The following CTNNA2 variants were observed in gnomAD, a reference collection of about 807,000 sequenced individuals.
CTNNA2 encodes the protein catenin alpha-2.
CTNNA2 carries 42 observed loss-of-function variants against 101.0 expected under a neutral mutation model. The ratio of observed to expected loss-of-function variants is 0.42; its 90% CI spans 0.32 to 0.54. The LOEUF (loss-of-function observed/expected upper bound fraction) is 0.54. Among genes scored for constraint, CTNNA2 ranks in the 20% least tolerant of loss-of-function variants. The pLI, the probability that CTNNA2 is intolerant of heterozygous loss-of-function variation, is 0.14. For missense variants in CTNNA2, 871 were observed against 1,223.1 expected, an observed-to-expected ratio of 0.71 and a Z score of 4.29; for synonymous variants, 450 against 456.4, an observed-to-expected ratio of 0.99 and a Z score of 0.18.
chr2:79,684,481 A>G (rs1039601499), intron 2 of CTNNA2, among the ~76,000 whole-genome samples: 9 of 152,182 alleles, frequency 5.9e-5, no homozygotes, highest in African/African-American at 1.9e-4. Flanking sequence ...ATAGGCATCT[A>G]CTGGATTGTG....
intron 7 of CTNNA2, among the ~76,000 whole-genome samples, chr2:80,043,584 T>A (rs1254175243): frequency 6.6e-6 from 1 of 152,178 alleles, no homozygotes; most frequent in Non-Finnish European, 1.5e-5. Context: ...AATGCAGAGC[T>A]CTCACAGGCA....
At chr2:80,535,745 C>T (rs1029790386) in intron 9 of CTNNA2, among the ~76,000 whole-genome samples, 1 of 152,228 alleles carries the variant, frequency 6.6e-6, no homozygotes, top group African/African-American at 2.4e-5. Context: ...CACTGAGCAT[C>T]CTTCCCTGAT....
chr2:79,317,522 C>A (rs1234885770), intron 3 of CTNNA2, among the ~76,000 whole-genome samples: 1 of 151,934 alleles, frequency 6.6e-6, no homozygotes, highest in African/African-American at 2.4e-5. Flanking sequence ...ACTAGTAACT[C>A]GATAAATGTG....
At chr2:80,383,298 A>G (rs577561345) in intron 7 of CTNNA2, among the ~76,000 whole-genome samples, 15 of 152,274 alleles carry the variant, frequency 9.9e-5, no homozygotes, top group African/African-American at 3.6e-4. Context: ...ATATTTTCCA[A>G]ATCATCTATC....
chr2:79,894,084 CTT>C (rs1684526580), intron 6 of CTNNA2, among the ~76,000 whole-genome samples: 1 of 150,846 alleles, frequency 6.6e-6, no homozygotes, highest in Non-Finnish European at 1.5e-5. Flanking sequence ...CCTCCTCCTT[CTT>C]CTTCTTCTCT....
At chr2:79,375,445 G>C (rs923295193) in intron 4 of CTNNA2, among the ~76,000 whole-genome samples, 1 of 152,108 alleles carries the variant, frequency 6.6e-6, no homozygotes, top group African/African-American at 2.4e-5. Flanking sequence ...TAATTTAGAA[G>C]AAAGAGTCCT....
chr2:79,343,417 T>G (rs1488387941), intron 3 of CTNNA2, among the ~76,000 whole-genome samples: 1 of 152,220 alleles, frequency 6.6e-6, no homozygotes, highest in Non-Finnish European at 1.5e-5. Context: ...TAGACTGCAT[T>G]CTAGAAGAAC....
At chr2:80,107,127 C>T (rs1253669792) in intron 7 of CTNNA2, among the ~76,000 whole-genome samples, 1 of 152,144 alleles carries the variant, frequency 6.6e-6, no homozygotes, top group Non-Finnish European at 1.5e-5. Context: ...TGGTGAAGTC[C>T]CACCTTCCAG....
At chr2:79,755,014 T>A (rs948647260) in intron 3 of CTNNA2, among the ~76,000 whole-genome samples, 4 of 151,856 alleles carry the variant, frequency 2.6e-5, no homozygotes, top group African/African-American at 7.2e-5. Context: ...TGAGTGTAGA[T>A]CCATTACTTT....
At chr2:80,440,631 A>T (rs769610091) in intron 9 of CTNNA2, among the ~76,000 whole-genome samples, 1 of 138,790 alleles carries the variant, frequency 7.2e-6, no homozygotes, top group Non-Finnish European at 1.5e-5. Context: ...GATAAAGTTG[A>T]TGAAGGATAA....
intron 9 of CTNNA2, among the ~76,000 whole-genome samples, chr2:80,426,266 G>A (rs901855095): frequency 2.6e-5 from 4 of 152,114 alleles, no homozygotes; most frequent in African/African-American, 4.8e-5. Context: ...AAAGCAGTTC[G>A]GTCAGGGCTG....
rs1487262203 is a variant in CTNNA2 at position 79,831,844 on chromosome 2, TA to T, written c.299-26168del. ...TATTTATTTGTATTTCCTGCTTAGT[TA>T]TTTTGGCCTCTAAATCGTTACAAAT... On this transcript the variant is annotated intron_variant, in intron 3 of 18. Coordinates refer to ENST00000402739, the MANE Select transcript of CTNNA2 (RefSeq NM_001282597.3). Among the ~76,000 whole-genome samples, 7 of 143,968 alleles carry T rather than the reference TA, an allele frequency of 4.9e-5. No individual in the cohort carries two copies. In the East Asian group the frequency reaches 1.4e-3, roughly 28 times the overall value. The allele number at this position is 143,968 out of a possible 152,430, so 94.4% of individuals were successfully genotyped here.
At chr2:80,442,351 C>T (rs1245625193) in intron 9 of CTNNA2, among the ~76,000 whole-genome samples, 2 of 152,176 alleles carry the variant, frequency 1.3e-5, no homozygotes, top group East Asian at 3.9e-4. Context: ...TATTGCCCAG[C>T]CATCTGGACC....
intron 7 of CTNNA2, among the ~76,000 whole-genome samples, chr2:80,115,385 GA>G (rs1336090499): frequency 3.3e-5 from 5 of 152,164 alleles, no homozygotes; most frequent in African/African-American, 7.2e-5. Context: ...AACCCTCGAA[GA>G]AGACGTTATC....
intron 2 of CTNNA2, among the ~76,000 whole-genome samples, chr2:79,279,607 C>T (rs1034317046): frequency 1.3e-5 from 2 of 152,028 alleles, no homozygotes; most frequent in Non-Finnish European, 2.9e-5. Context: ...TATGTATAAC[C>T]AAAGACATCT....
At chr2:79,875,346 G>A (rs928508616) in intron 6 of CTNNA2, among the ~76,000 whole-genome samples, 6 of 152,142 alleles carry the variant, frequency 3.9e-5, no homozygotes, top group Non-Finnish European at 8.8e-5. Context: ...TAAATAATTA[G>A]CATCTACTTT....
chr2:80,180,535 C>T (rs1400296344), intron 7 of CTNNA2, among the ~76,000 whole-genome samples: 1 of 152,150 alleles, frequency 6.6e-6, no homozygotes, highest in Non-Finnish European at 1.5e-5. Flanking sequence ...TGCCATTTGG[C>T]CTCTGCCACC....
intron 1 of CTNNA2, among the ~76,000 whole-genome samples, chr2:79,578,472 G>A (rs1040527653): frequency 6.6e-6 from 1 of 152,082 alleles, no homozygotes; most frequent in Non-Finnish European, 1.5e-5. Flanking sequence ...TAATCTTAAA[G>A]AAAGGAAACT....
chr2:80,424,250 G>A (rs914856849), intron 9 of CTNNA2, among the ~76,000 whole-genome samples: 11 of 152,088 alleles, frequency 7.2e-5, no homozygotes, highest in African/African-American at 1.4e-4. Context: ...CACCGTGCCC[G>A]GCCCAGCAAA....
Sources: gnomAD v4.1 joint callset for allele counts (sites outside exome capture counted in the v4.1 genomes callset) on GRCh38, gnomAD v4.1.1 for gene constraint, MANE v1.5 for transcripts, NCBI Gene and HGNC (gene_info 2026-07-23, HGNC 2026-07-21) for gene names.